Variants in CHIC2 observed in about 807,000 individuals in gnomAD.
The protein encoded by CHIC2 is cysteine rich hydrophobic domain 2.
Under a neutral mutation model 25.9 loss-of-function variants are expected in CHIC2, and 14 were observed. The ratio of observed to expected loss-of-function variants is 0.54; its 90% CI spans 0.36 to 0.85. CHIC2 has a LOEUF of 0.85. Ranked by LOEUF, CHIC2 falls within the 40% of genes least tolerant of loss-of-function variation. The pLI is 0.01. For synonymous variants in CHIC2, 70 were observed against 72.0 expected (o/e 0.97, Z 0.14); for missense variants, 146 against 202.0 (o/e 0.72, Z 1.68).
chr4:54,070,371 G>A, the CHIC2 span, among the ~76,000 whole-genome samples: 1 of 151,904 alleles, frequency 6.6e-6, no homozygotes, highest in African/African-American at 2.4e-5. Flanking sequence ...ATTATCAGAT[G>A]TGCATTTTTA....
intron 3 of CHIC2, among the ~76,000 whole-genome samples, chr4:54,025,529 G>C (rs965092534): frequency 1.3e-5 from 2 of 152,056 alleles, no homozygotes; most frequent in African/African-American, 4.8e-5. Flanking sequence ...TGGTCTCTTC[G>C]CACGGATGCA....
intron 3 of CHIC2, among the ~76,000 whole-genome samples, chr4:54,030,958 T>C (rs538857682): frequency 5.9e-5 from 9 of 151,788 alleles, no homozygotes; most frequent in African/African-American, 2.2e-4. Context: ...ACTGCAACCT[T>C]TGCCTCCGCC....
chr4:54,080,942 GTATATATATATATATATATA>G, the CHIC2 span, among the ~76,000 whole-genome samples: 907 of 101,120 alleles, frequency 9.0e-3, 5 homozygotes, highest in African/African-American at 0.026. Context: ...ATGTGTGTGT[GTATATATATATATATATATA>G]TATATATATA....
chr4:54,063,709 T>A (rs761899104), intron 1 of CHIC2, among the ~76,000 whole-genome samples: 57 of 152,378 alleles, frequency 3.7e-4, no homozygotes, highest in African/African-American at 1.2e-3. Context: ...CTGGGAGACC[T>A]GTGGGTATGT....
chr4:54,047,666 G>C (rs1716876246), intron 3 of CHIC2, among the ~76,000 whole-genome samples: 1 of 128,134 alleles, frequency 7.8e-6, no homozygotes. Flanking sequence ...GGGGGAGGGG[G>C]GAGGGATAGC....
At chr4:54,083,347 A>T in the CHIC2 span, among the ~76,000 whole-genome samples, 1 of 151,928 alleles carries the variant, frequency 6.6e-6, no homozygotes, top group African/African-American at 2.4e-5. Flanking sequence ...TCAGATCCAT[A>T]TTTCCAACTG....
intron 1 of CHIC2, among the ~76,000 whole-genome samples, chr4:54,052,740 G>A (rs1717038768): frequency 6.6e-6 from 1 of 152,144 alleles, no homozygotes; most frequent in African/African-American, 2.4e-5. Context: ...AGAAGGTCAA[G>A]ATGGAAAAAT....
At chr4:54,044,109 C>T (rs1716687917) in intron 3 of CHIC2, among the ~76,000 whole-genome samples, 1 of 152,162 alleles carries the variant, frequency 6.6e-6, no homozygotes, top group South Asian at 2.1e-4. Flanking sequence ...ACTAACTATC[C>T]TAAATATACA....
rs1418113470 is a variant in CHIC2, at chr4:54,049,917, CTAT to C, written c.120-615_120-613del. 4.6e-5 allele frequency among the ~76,000 whole-genome samples: 7 copies of C among 152,238 alleles called. No individual in the cohort carries two copies. The South Asian group carries it at 1.5e-3, about 32-fold the overall frequency. On this transcript the variant is annotated intron_variant, in intron 1 of 5. Transcript: ENST00000263921. ...ACGTGTACTATACCTATATCTATTC[CTAT>C]TACCTAAAAGACCTTTTCTTGAATC...
At chr4:54,021,547 G>T (rs1411142656) in intron 3 of CHIC2, among the ~76,000 whole-genome samples, 2 of 152,020 alleles carry the variant, frequency 1.3e-5, no homozygotes, top group Non-Finnish European at 2.9e-5. Context: ...ACCCATTCTG[G>T]CTTACAGTTT....
At chr4:54,077,161 A>G in the CHIC2 span, among the ~76,000 whole-genome samples, 5 of 152,214 alleles carry the variant, frequency 3.3e-5, no homozygotes. Flanking sequence ...ATCAGGATGG[A>G]CAAAATTCTA....
intron 3 of CHIC2, among the ~76,000 whole-genome samples, chr4:54,047,204 C>CGGTT (rs1230590479): frequency 6.6e-6 from 1 of 152,124 alleles, no homozygotes; most frequent in Admixed American, 6.5e-5. Context: ...GTTGGTGGGA[C>CGGTT]TATAAACCAG....
At chr4:54,010,206 A>C in intron 5 of CHIC2, 61 bp from the exon 6 acceptor site, 1 of 1,173,878 alleles carries the variant, frequency 8.5e-7, no homozygotes, top group Non-Finnish European at 1.2e-6. Flanking sequence ...TTAAAACTTC[A>C]ATTATATGCT....
At chr4:54,046,566 T>C (rs1194601610) in intron 3 of CHIC2, among the ~76,000 whole-genome samples, 5 of 152,200 alleles carry the variant, frequency 3.3e-5, no homozygotes, top group Non-Finnish European at 5.9e-5. Flanking sequence ...CCCTATTTAA[T>C]AAAGGGTGCT....
intron 3 of CHIC2, among the ~76,000 whole-genome samples, chr4:54,033,560 G>C (rs1341801937): frequency 1.3e-5 from 2 of 151,994 alleles, no homozygotes; most frequent in Non-Finnish European, 2.9e-5. Flanking sequence ...GTTCTTTTAG[G>C]GATTGTGCTG....
intron 1 of CHIC2, chr4:54,060,660 A>T (rs1717306616): frequency 6.6e-6 from 1 of 152,164 alleles, no homozygotes; most frequent in Admixed American, 6.5e-5. Flanking sequence ...GTGAAAAACG[A>T]AACTCTTCAA....
intron 3 of CHIC2, among the ~76,000 whole-genome samples, chr4:54,041,301 A>G (rs934107347): frequency 6.6e-6 from 1 of 151,958 alleles, no homozygotes; most frequent in African/African-American, 2.4e-5. Context: ...ACATAAGAGG[A>G]TTTCACATCA....
At chr4:54,032,296 C>CGGT (rs1282516128) in intron 3 of CHIC2, among the ~76,000 whole-genome samples, 12 of 132,984 alleles carry the variant, frequency 9.0e-5, no homozygotes, top group African/African-American at 3.3e-4. Flanking sequence ...TCTCCCTCTA[C>CGGT]GGTCTCCCTC....
chr4:54,010,739 T>C (rs1417047783), intron 5 of CHIC2, among the ~76,000 whole-genome samples: 1 of 152,118 alleles, frequency 6.6e-6, no homozygotes, highest in Non-Finnish European at 1.5e-5. Flanking sequence ...CCAACATTTT[T>C]CTTTAGACTT....
Sources: gnomAD v4.1 joint callset for allele counts (sites outside exome capture counted in the v4.1 genomes callset) on GRCh38, gnomAD v4.1.1 for gene constraint, MANE v1.5 for transcripts, NCBI Gene and HGNC (gene_info 2026-07-23, HGNC 2026-07-21) for gene names.